Variants in CNTNAP4 observed in about 807,000 individuals in gnomAD.
CNTNAP4 encodes contactin associated protein family member 4, also known as contactin-associated protein-like 4.
A neutral mutation model predicts 148.4 loss-of-function variants in CNTNAP4; 98 were observed. The observed-to-expected ratio is 0.66, with a 90% CI of 0.56 to 0.78. The LOEUF (loss-of-function observed/expected upper bound fraction) is 0.78. CNTNAP4 is among the 30% of genes least tolerant of loss of function. CNTNAP4 has a pLI of 0.00. For missense variants in CNTNAP4, 1,935 were observed against 1,565.6 expected (o/e 1.24, Z -3.98); for synonymous variants, 730 against 565.1 (o/e 1.29, Z -4.14).
chr16:76,525,788 C>G (rs1282691309), intron 17 of CNTNAP4, among the ~76,000 whole-genome samples: 1 of 145,396 alleles, frequency 6.9e-6, no homozygotes, highest in African/African-American at 2.5e-5. Flanking sequence ...TATAGTTAAA[C>G]TAGTTAAACT....
intron 3 of CNTNAP4, among the ~76,000 whole-genome samples, chr16:76,404,982 C>A (rs1256850339): frequency 6.6e-6 from 1 of 151,984 alleles, no homozygotes; most frequent in African/African-American, 2.4e-5. Context: ...ACATTGTACC[C>A]CATAAATATG....
At chr16:76,289,018 A>T (rs748685447) in intron 1 of CNTNAP4, among the ~76,000 whole-genome samples, 1 of 152,122 alleles carries the variant, frequency 6.6e-6, no homozygotes, top group Non-Finnish European at 1.5e-5. Context: ...CTCCTGGTCA[A>T]CCTATTCTTA....
At chr16:76,472,209 G>A (rs2081401693) in intron 10 of CNTNAP4, among the ~76,000 whole-genome samples, 1 of 151,042 alleles carries the variant, frequency 6.6e-6, no homozygotes, top group Admixed American at 6.6e-5. Flanking sequence ...TAGAACATTT[G>A]GTGAGAATGA....
chr16:76,286,724 CT>C (rs1368348824), intron 1 of CNTNAP4, among the ~76,000 whole-genome samples: 6 of 152,128 alleles, frequency 3.9e-5, no homozygotes, highest in African/African-American at 1.4e-4. Flanking sequence ...TTTTTCACAT[CT>C]TTCACTTTTA....
chr16:76,364,575 C>T (rs939217693), intron 3 of CNTNAP4, among the ~76,000 whole-genome samples: 7 of 152,102 alleles, frequency 4.6e-5, no homozygotes, highest in East Asian at 1.9e-4. Flanking sequence ...CCTCTTACCA[C>T]GGCTGCGATA....
chr16:76,381,353 C>T, intron 3 of CNTNAP4, among the ~76,000 whole-genome samples: 1 of 152,188 alleles, frequency 6.6e-6, no homozygotes, highest in Non-Finnish European at 1.5e-5. Context: ...CCTCCCACCC[C>T]AGTGTTTTCC....
rs2084178257 is a variant in CNTNAP4 at position 76,535,566 on chromosome 16, G to C, written c.2777G>C (p.Arg926Thr). ...LFVGGTATRQ[R>T]GFLGCIRSLQ... ...TTAGGTGGAACGGCCACCAGACAGAGAGGCTTTCTGGGCTGCATTCGGTCT... is the reference window on the plus strand; with the variant it reads ...TTAGGTGGAACGGCCACCAGACAGACAGGCTTTCTGGGCTGCATTCGGTCT... The change falls in exon 18 of 24, where the codon AGA (arginine) becomes ACA (threonine). Residue 926 changes from arginine (R) to threonine (T), a missense_variant. Arg to Thr is a moderately conservative substitution (Grantham distance 71). Coordinates refer to ENST00000611870, the MANE Select transcript of CNTNAP4 (RefSeq NM_033401.5). The C allele has an allele frequency of 6.2e-7, 1 of 1,612,288 alleles. No individual in the cohort carries two copies. Among genetic ancestry groups the C allele is most frequent in the East Asian group, 2.2e-5 (1 of 44,862 alleles).
At chr16:76,519,669 G>C (rs1266848743) in intron 15 of CNTNAP4, among the ~76,000 whole-genome samples, 1 of 152,100 alleles carries the variant, frequency 6.6e-6, no homozygotes, top group South Asian at 2.1e-4. Context: ...TTTTGTCCTA[G>C]AGATCCAAAG....
In CNTNAP4 at chr16:76,355,444, G is replaced by C. The variant is rs2012466106; in HGVS notation, c.323G>C (p.Ser108Thr). The C allele has an allele frequency of 1.2e-6, 2 of 1,613,194 alleles. No homozygotes were observed. The highest frequency in any genetic ancestry group is 2.7e-5 in the African/African-American group (2 of 74,852). ...TATGGTAGCTCCAACTGGGTGACCA[G>C]CTACCTCCTGATGTTCAGTGATAGT... ...GGYGSSNWVT[S>T]YLLMFSDSGW... The change falls in exon 3 of 24, where the codon AGC becomes ACC. Residue 108 changes from serine to threonine, a missense_variant. Coordinates refer to ENST00000611870, the MANE Select transcript of CNTNAP4 (RefSeq NM_033401.5).
chr16:76,386,290 C>A (rs982918359), intron 3 of CNTNAP4, among the ~76,000 whole-genome samples: 1 of 152,136 alleles, frequency 6.6e-6, no homozygotes, highest in Admixed American at 6.5e-5. Context: ...CTTTTATAAT[C>A]TGTTTATAAA....
chr16:76,496,795 A>C (rs959361415), intron 14 of CNTNAP4, among the ~76,000 whole-genome samples: 2 of 152,230 alleles, frequency 1.3e-5, no homozygotes, highest in African/African-American at 4.8e-5. Context: ...TATTCAAAAA[A>C]GAGTACATTT....
Position 76,316,513 on chromosome 16 carries a change from TAGAAG to T in CNTNAP4, c.190_194del (p.Arg64TrpfsTer11). 1 of 1,611,328 alleles carries T rather than the reference TAGAAG, an allele frequency of 6.2e-7. No individual in the cohort carries two copies. Among genetic ancestry groups the T allele is most frequent in the Non-Finnish European group, 8.5e-7 (1 of 1,177,500 alleles). ...ATGGTCCTGGATTTGCAAGGCTGAA[TAGAAG>T]AGATGGTAAGTCTGCTTTTCTCCTC... On this transcript the variant is annotated frameshift_variant, in exon 2 of 24. Coordinates refer to ENST00000611870, the MANE Select transcript of CNTNAP4 (RefSeq NM_033401.5). LOFTEE classifies it high-confidence loss of function.
intron 13 of CNTNAP4, among the ~76,000 whole-genome samples, chr16:76,490,890 A>G (rs1455922880): frequency 6.6e-6 from 1 of 152,146 alleles, no homozygotes; most frequent in African/African-American, 2.4e-5. Context: ...CAATAACGCT[A>G]CTTCTTTCAT....
intron 17 of CNTNAP4, among the ~76,000 whole-genome samples, chr16:76,528,469 T>A (rs1568522442): frequency 6.6e-6 from 1 of 152,176 alleles, no homozygotes; most frequent in Admixed American, 6.5e-5. Context: ...TCTCCCTATG[T>A]GCCCAGGCTG....
intron 9 of CNTNAP4, among the ~76,000 whole-genome samples, chr16:76,466,368 T>C (rs1460365216): frequency 6.6e-6 from 1 of 152,178 alleles, no homozygotes; most frequent in African/African-American, 2.4e-5. Context: ...CTATAGTCAT[T>C]AATAATTGTA....
chr16:76,389,123 A>G (rs10514404), intron 3 of CNTNAP4, among the ~76,000 whole-genome samples: 21,433 of 152,198 alleles, frequency 0.14, 2,317 homozygotes, highest in East Asian at 0.45. Flanking sequence ...AAATAAGGAA[A>G]ATGAATATTG....
intron 3 of CNTNAP4, among the ~76,000 whole-genome samples, chr16:76,366,078 T>A (rs1391894415): frequency 6.6e-6 from 1 of 152,196 alleles, no homozygotes; most frequent in Non-Finnish European, 1.5e-5. Flanking sequence ...GACTTTAAGT[T>A]TTTTTATCTT....
At chr16:76,292,708 T>C (rs201808358) in intron 1 of CNTNAP4, among the ~76,000 whole-genome samples, 1 of 114,782 alleles carries the variant, frequency 8.7e-6, no homozygotes, top group Admixed American at 1.0e-4. Flanking sequence ...ATCAAAAATA[T>C]TTTTTTTTCT....
intron 3 of CNTNAP4, among the ~76,000 whole-genome samples, chr16:76,390,014 A>C (rs1008572866): frequency 1.3e-5 from 2 of 152,190 alleles, no homozygotes; most frequent in Non-Finnish European, 2.9e-5. Context: ...CAATTTGAGC[A>C]ACTGGAGCTT....
Sources: allele counts gnomAD v4.1 joint callset (sites outside exome capture counted in the v4.1 genomes callset), GRCh38; gene constraint gnomAD v4.1.1; transcripts MANE v1.5; gene names NCBI Gene and HGNC (gene_info 2026-07-23, HGNC 2026-07-21).